The following ZNF362 variants were observed in gnomAD, a reference collection of about 807,000 sequenced individuals.
ZNF362 encodes the protein rotund homolog.
ZNF362 carries 11 observed loss-of-function variants against 42.9 expected under a neutral mutation model. The observed-to-expected ratio is 0.26, with a 90% CI of 0.16 to 0.42. The LOEUF (loss-of-function observed/expected upper bound fraction) is 0.42, where lower values mean the gene tolerates loss of function less well. Ranked by LOEUF, ZNF362 falls within the 20% of genes least tolerant of loss-of-function variation. The pLI is 1.00. For missense variants in ZNF362, 362 were observed against 576.2 expected (o/e 0.63, Z 3.81); for synonymous variants, 255 against 257.3 (o/e 0.99, Z 0.09).
At chr1:33,142,207 T>C in the ZNF362 span, 1 of 152,294 alleles carries the variant, frequency 6.6e-6, no homozygotes, top group Non-Finnish European at 1.5e-5. Context: ...TTTGGGGTGG[T>C]GAACAGAGCT....
At chr1:33,140,596 G>T in the ZNF362 span, among the ~76,000 whole-genome samples, 1 of 152,192 alleles carries the variant, frequency 6.6e-6, no homozygotes, top group Admixed American at 6.5e-5. This position sits in a 1 kb window ranked among gnomAD's most constrained non-coding sequence, Gnocchi z 4.0. Context: ...TTTCTCTAGT[G>T]CCATGAAATC....
the ZNF362 span, among the ~76,000 whole-genome samples, chr1:33,168,680 G>A: frequency 2.0e-5 from 3 of 152,222 alleles, no homozygotes; most frequent in Admixed American, 6.5e-5. Context: ...CAGCTTGAGC[G>A]GATACAGTCC....
At chr1:33,207,069 T>A in the ZNF362 span, among the ~76,000 whole-genome samples, 1 of 152,124 alleles carries the variant, frequency 6.6e-6, no homozygotes, top group African/African-American at 2.4e-5. Context: ...TCATTTACAT[T>A]AGGTATTTCT....
At chr1:33,276,245 G>T (rs1645945292) in intron 3 of ZNF362, 82 bp downstream of exon 3, 1 of 1,593,494 alleles carries the variant, frequency 6.3e-7, no homozygotes, top group Non-Finnish European at 8.5e-7. Flanking sequence ...GTGGCCTGCG[G>T]GGAGCGGGGT....
rs72889843 is a variant in ZNF362, at chr1:33,294,832, A to G, written c.909-105A>G. The G allele has an allele frequency of 4.5e-4, 560 of 1,232,380 alleles. 2 individuals are homozygous for G. In the African/African-American group the frequency reaches 7.5e-3, roughly 17 times the overall value. 76.3% of individuals were successfully genotyped at this position (1,232,380 alleles called of 1,614,324 possible). ...CTCTTGGTCCTTGGGGAGCATGGGC[A>G]GGGTAGGGACCGAGAGGCTTAGGGG... is the stretch of plus-strand genomic sequence containing the variant. On this transcript the variant is annotated intron_variant, in intron 6 of 8. Coordinates refer to ENST00000539719, the MANE Select transcript of ZNF362 (RefSeq NM_152493.3). The surrounding 1 kb of genome is among the most constrained non-coding windows in gnomAD (Gnocchi z 4.2).
At chr1:33,133,953 C>T in the ZNF362 span, among the ~76,000 whole-genome samples, 1 of 152,232 alleles carries the variant, frequency 6.6e-6, no homozygotes, top group Non-Finnish European at 1.5e-5. Flanking sequence ...TTATCTTACT[C>T]AACCTGGCGA....
intron 6 of ZNF362, among the ~76,000 whole-genome samples, chr1:33,293,473 A>G (rs986840050): frequency 1.3e-5 from 2 of 152,110 alleles, no homozygotes; most frequent in Non-Finnish European, 2.9e-5. Flanking sequence ...CTGTGTCTCT[A>G]AGTCTAACAC....
chr1:33,139,930 A>G, the ZNF362 span, among the ~76,000 whole-genome samples: 1 of 152,188 alleles, frequency 6.6e-6, no homozygotes, highest in Non-Finnish European at 1.5e-5. Flanking sequence ...AGATCCCACC[A>G]TCAGCTACTC....
chr1:33,190,539 G>T, the ZNF362 span, among the ~76,000 whole-genome samples: 1 of 152,188 alleles, frequency 6.6e-6, no homozygotes, highest in African/African-American at 2.4e-5. Context: ...CAGTGAAGGT[G>T]TACTGGAAAC....
the ZNF362 span, among the ~76,000 whole-genome samples, chr1:33,187,902 G>A: frequency 1.3e-5 from 2 of 152,188 alleles, no homozygotes; most frequent in Non-Finnish European, 2.9e-5. Flanking sequence ...TGTTGGGGAT[G>A]TAGCACCCTT....
At chr1:33,298,891 C>A in intron 8 of ZNF362, 39 bp from the exon 9 acceptor site, 1 of 1,566,170 alleles carries the variant, frequency 6.4e-7, no homozygotes. Flanking sequence ...CCCTCCCTTG[C>A]TGGTGGTTCC....
the ZNF362 span, chr1:33,146,781 G>GTGC: frequency 7.5e-6 from 2 of 267,326 alleles, no homozygotes. Context: ...ACATAAGAGG[G>GTGC]TGCTGTGTGT....
At chr1:33,235,712 C>T in the ZNF362 span, among the ~76,000 whole-genome samples, 1 of 152,134 alleles carries the variant, frequency 6.6e-6, no homozygotes, top group Non-Finnish European at 1.5e-5. Flanking sequence ...TGGAAAATTA[C>T]TAAGAGGAAA....
the ZNF362 span, among the ~76,000 whole-genome samples, chr1:33,203,200 C>A: frequency 6.6e-6 from 1 of 151,932 alleles, no homozygotes; most frequent in African/African-American, 2.4e-5. Flanking sequence ...TTTGATGATT[C>A]CACATATAAG....
At chr1:33,177,798 T>C in the ZNF362 span, among the ~76,000 whole-genome samples, 14 of 152,170 alleles carry the variant, frequency 9.2e-5, no homozygotes, top group Admixed American at 2.0e-4. This position sits in a 1 kb window ranked among gnomAD's most constrained non-coding sequence, Gnocchi z 4.1. Flanking sequence ...CCGAGTACGA[T>C]GTAACCTACT....
the ZNF362 span, among the ~76,000 whole-genome samples, chr1:33,251,243 C>G: frequency 6.6e-6 from 1 of 152,172 alleles, no homozygotes. Context: ...GTGGAGCCAG[C>G]CTTGTGCTGG....
At chr1:33,290,878 G>A (rs1033950970) in intron 6 of ZNF362, among the ~76,000 whole-genome samples, 80 of 152,318 alleles carry the variant, frequency 5.3e-4, no homozygotes, top group African/African-American at 1.8e-3. Context: ...AGAAGTATCT[G>A]TTCATATCCT....
chr1:33,159,698 G>T, the ZNF362 span: 1 of 1,607,954 alleles, frequency 6.2e-7, no homozygotes, highest in South Asian at 1.1e-5. This position sits in a 1 kb window ranked among gnomAD's most constrained non-coding sequence, Gnocchi z 4.2. Context: ...CGCTCGGACA[G>T]TGAGGCCACC....
At chr1:33,181,547 G>C in the ZNF362 span, 1 of 1,426,974 alleles carries the variant, frequency 7.0e-7, no homozygotes, top group African/African-American at 1.5e-5. The surrounding 1 kb of genome is among the most constrained non-coding windows in gnomAD (Gnocchi z 6.5). Flanking sequence ...CGCACAGGCA[G>C]GGGTAGGAGC....
Sources: gnomAD v4.1 joint callset for allele counts (sites outside exome capture counted in the v4.1 genomes callset) on GRCh38, gnomAD v4.1.1 for gene constraint, Gnocchi (gnomAD v3.1) non-coding constraint, MANE v1.5 for transcripts, NCBI Gene and HGNC (gene_info 2026-07-23, HGNC 2026-07-21) for gene names.